The following AQP7B variants were observed in gnomAD, a reference collection of about 807,000 sequenced individuals.
AQP7B encodes aquaporin 7B.
chr2:94,601,315 TAGAG>T, the AQP7B span, among the ~76,000 whole-genome samples: 1 of 152,112 alleles, frequency 6.6e-6, no homozygotes, highest in Non-Finnish European at 1.5e-5. Context: ...ATGGGGAACA[TAGAG>T]TGAGGAGCAG....
At chr2:94,603,354 G>T in the AQP7B span, 6 of 1,584,284 alleles carry the variant, frequency 3.8e-6, no homozygotes, top group Non-Finnish European at 5.2e-6. Context: ...GTTGGGGGCA[G>T]GTTCGCATGA....
At chr2:94,588,671 C>T in the AQP7B span, 5 of 724,050 alleles carry the variant, frequency 6.9e-6, no homozygotes, top group Middle Eastern at 3.8e-4. Flanking sequence ...ACCTCCTCCT[C>T]CCCACCCACC....
At chr2:94,592,579 A>G in the AQP7B span, among the ~76,000 whole-genome samples, 1 of 151,940 alleles carries the variant, frequency 6.6e-6, no homozygotes. Context: ...CAGCCCAAAG[A>G]CAGTCCTGGG....
At chr2:94,603,363 G>A in the AQP7B span, 2 of 1,592,678 alleles carry the variant, frequency 1.3e-6, no homozygotes, top group South Asian at 2.2e-5. Flanking sequence ...AGGTTCGCAT[G>A]ATAGTCTGTG....
the AQP7B span, chr2:94,603,771 C>T: frequency 3.8e-5 from 58 of 1,539,026 alleles, no homozygotes; most frequent in South Asian, 3.5e-4. Flanking sequence ...AGGAGAACAA[C>T]CCAGCACTGC....
chr2:94,603,182 T>G, the AQP7B span: 26 of 1,492,226 alleles, frequency 1.7e-5, no homozygotes, highest in Non-Finnish European at 2.3e-5. Context: ...ACAGCAAGTG[T>G]GCTGCCTGGG....
chr2:94,596,340 G>A, the AQP7B span, among the ~76,000 whole-genome samples: 1 of 152,220 alleles, frequency 6.6e-6, no homozygotes, highest in Non-Finnish European at 1.5e-5. Context: ...CTGTAGCCAT[G>A]TTTATTGCAT....
chr2:94,595,913 C>T, the AQP7B span, among the ~76,000 whole-genome samples: 1 of 152,154 alleles, frequency 6.6e-6, no homozygotes, highest in African/African-American at 2.4e-5. Flanking sequence ...AGTTGAAGTT[C>T]ATCACAACAC....
chr2:94,604,029 G>A, the AQP7B span: 3 of 795,668 alleles, frequency 3.8e-6, no homozygotes, highest in South Asian at 1.8e-5. Flanking sequence ...GGAGGGTCCT[G>A]CAGAGCCCCC....
At chr2:94,592,368 T>A in the AQP7B span, among the ~76,000 whole-genome samples, 1 of 152,144 alleles carries the variant, frequency 6.6e-6, no homozygotes, top group South Asian at 2.1e-4. Context: ...TGTTCATAGC[T>A]CACCCATCCC....
chr2:94,588,995 T>C, the AQP7B span, among the ~76,000 whole-genome samples: 1 of 149,646 alleles, frequency 6.7e-6, no homozygotes, highest in Admixed American at 6.6e-5. Flanking sequence ...TTTTTTTTTT[T>C]TTTTTGAGAT....
chr2:94,597,960 G>A, the AQP7B span, among the ~76,000 whole-genome samples: 2 of 152,034 alleles, frequency 1.3e-5, no homozygotes, highest in African/African-American at 2.4e-5. Flanking sequence ...CTTAAATATT[G>A]ACAGCTTTTA....
the AQP7B span, among the ~76,000 whole-genome samples, chr2:94,602,806 C>T: frequency 6.6e-6 from 1 of 152,200 alleles, no homozygotes; most frequent in Admixed American, 6.5e-5. Flanking sequence ...CCCCCCTGAC[C>T]TACCATTTTC....
At chr2:94,602,458 G>C in the AQP7B span, 14 of 1,587,978 alleles carry the variant, frequency 8.8e-6, no homozygotes, top group Non-Finnish European at 1.2e-5. Flanking sequence ...GGGGCTTCTG[G>C]GCAGGCAGCC....
At chr2:94,587,530 C>A in the AQP7B span, among the ~76,000 whole-genome samples, 1 of 152,132 alleles carries the variant, frequency 6.6e-6, no homozygotes, top group South Asian at 2.1e-4. Flanking sequence ...GGGGAAGGAG[C>A]CCTGGCTGGG....
chr2:94,590,070 C>T, the AQP7B span, among the ~76,000 whole-genome samples: 2 of 152,222 alleles, frequency 1.3e-5, no homozygotes, highest in African/African-American at 4.8e-5. Flanking sequence ...GGCTGCTTCT[C>T]TCTGGTGGTG....
At chr2:94,592,217 C>T in the AQP7B span, among the ~76,000 whole-genome samples, 2 of 152,108 alleles carry the variant, frequency 1.3e-5, no homozygotes, top group Non-Finnish European at 2.9e-5. Flanking sequence ...TGGAGGGTCA[C>T]CTCGCCCTGC....
At chr2:94,590,020 T>A in the AQP7B span, among the ~76,000 whole-genome samples, 1 of 152,168 alleles carries the variant, frequency 6.6e-6, no homozygotes, top group African/African-American at 2.4e-5. Flanking sequence ...CTCCCTTCAG[T>A]CCTCACCTCC....
chr2:94,587,674 A>T, the AQP7B span, among the ~76,000 whole-genome samples: 6 of 152,110 alleles, frequency 3.9e-5, no homozygotes, highest in Non-Finnish European at 7.4e-5. Flanking sequence ...TAGAGCAGAG[A>T]TGGCAGGGAT....
Sources: allele counts gnomAD v4.1 joint callset (sites outside exome capture counted in the v4.1 genomes callset), GRCh38; gene constraint gnomAD v4.1.1; transcripts MANE v1.5; gene names NCBI Gene and HGNC (gene_info 2026-07-23, HGNC 2026-07-21).